The following SLC26A2 variants were observed in gnomAD, a reference collection of about 807,000 sequenced individuals.
SLC26A2 encodes the protein solute carrier family 26 member 2.
In SLC26A2, 36 loss-of-function variants were observed where a neutral mutation model predicts 41.1. The observed-to-expected ratio is 0.88, with a 90% CI of 0.67 to 1.16. The LOEUF is 1.16. SLC26A2 is among the 50% of genes most tolerant of loss of function. The pLI, the probability that SLC26A2 is intolerant of heterozygous loss-of-function variation, is 0.00. For synonymous variants in SLC26A2, 291 were observed against 311.6 expected (o/e 0.93, Z 0.70); for missense variants, 796 against 869.6 (o/e 0.92, Z 1.07).
In SLC26A2 at chr5:149,984,752, T is replaced by C. The variant is rs1195522838; in HGVS notation, c.*2939T>C. The C allele has an allele frequency of 1.3e-5, 2 of 152,246 alleles. No individual in the cohort carries two copies. 9.4% of individuals were successfully genotyped at this position (152,246 alleles called of 1,614,324 possible). On this transcript the variant is annotated 3_prime_UTR_variant, in exon 3 of 3. Transcript: ENST00000286298. ...AGCATTATTTTAAACACTATATTGA[T>C]ACAAAAATATCTTGCTTACTCTAAA...
intron 1 of SLC26A2, among the ~76,000 whole-genome samples, chr5:149,971,070 G>C (rs1754891167): frequency 1.3e-5 from 2 of 152,228 alleles, no homozygotes; most frequent in Non-Finnish European, 2.9e-5. Context: ...AGTAAGCATG[G>C]GTTGCAGGCC....
Position 149,980,475 on chromosome 5 carries a change from C to T in SLC26A2, c.882C>T (p.Phe294=), listed in dbSNP as rs368422840. ...GSLITTWIHV[F]RNIHKTNLCD... ...TCATCACTACCTGGATACATGTCTTCAGAAACATCCATAAGACCAATCTCT... is the reference window on the plus strand; with the variant it reads ...TCATCACTACCTGGATACATGTCTTTAGAAACATCCATAAGACCAATCTCT... The change falls in exon 3 of 3, where the codon TTC becomes TTT. Residue 294 remains phenylalanine, a synonymous_variant. Coordinates refer to ENST00000286298, the MANE Select transcript of SLC26A2 (RefSeq NM_000112.4). The T allele has an allele frequency of 2.5e-6, 4 of 1,613,984 alleles. No individual in the cohort carries two copies. Among genetic ancestry groups the T allele is most frequent in the African/African-American group, 2.7e-5 (2 of 74,924 alleles).
At chr5:149,976,948 G>A (rs1177010907) in intron 1 of SLC26A2, among the ~76,000 whole-genome samples, 3 of 152,162 alleles carry the variant, frequency 2.0e-5, no homozygotes, top group African/African-American at 4.8e-5. Context: ...TTGGCCCATC[G>A]ACCCTCTTCA....
rs1755110583 is a variant in SLC26A2 at position 149,981,766 on chromosome 5, CAGAA to C, written c.2176_2179del (p.Lys726GlufsTer8). On this transcript the variant is annotated frameshift_variant, in exon 3 of 3. Coordinates refer to ENST00000286298, the MANE Select transcript of SLC26A2 (RefSeq NM_000112.4). LOFTEE classifies it high-confidence loss of function. The stretch of plus-strand genomic sequence containing the variant: ...GGCTTTTGCAGAAGTATCTAAAAAT[CAGAA>C]AGGAGTATGTGTTCCCAATGGTCTG... The C allele has an allele frequency of 6.2e-7, 1 of 1,611,754 alleles. No individual in the cohort carries two copies. Among genetic ancestry groups the C allele is most frequent in the Non-Finnish European group, 8.5e-7 (1 of 1,179,358 alleles).
At chr5:149,979,878 G>A (rs948052462) in intron 2 of SLC26A2, among the ~76,000 whole-genome samples, 2 of 152,124 alleles carry the variant, frequency 1.3e-5, no homozygotes, top group African/African-American at 4.8e-5. Context: ...TGTAATTTAA[G>A]GAAAATACTT....
chr5:149,986,738 T>C lies in SLC26A2; in HGVS notation c.*4925T>C, dbSNP rs1561828569. ...GCCTTTATTGTAGATACTATGTTTG[T>C]AAGTCTATAGCTAAGCAACTTAAGC... is the stretch of plus-strand genomic sequence containing the variant. On this transcript the variant is annotated 3_prime_UTR_variant, in exon 3 of 3. Coordinates refer to ENST00000286298, the MANE Select transcript of SLC26A2 (RefSeq NM_000112.4). 6.6e-6 allele frequency: 1 copy of C among 152,250 alleles called. No homozygotes were observed. Among genetic ancestry groups the C allele is most frequent in the Admixed American group, 6.5e-5 (1 of 15,286 alleles). 9.4% of individuals were successfully genotyped at this position (152,250 alleles called of 1,614,324 possible). A position where few individuals can be genotyped will look rare whatever the true frequency, so the allele number is the denominator to read the frequency against.
intron 1 of SLC26A2, among the ~76,000 whole-genome samples, chr5:149,963,323 G>C (rs1314848002): frequency 6.6e-6 from 1 of 150,580 alleles, no homozygotes; most frequent in Non-Finnish European, 1.5e-5. Context: ...TTTGTCTCCA[G>C]GCCGGAGTGC....
intron 1 of SLC26A2, among the ~76,000 whole-genome samples, chr5:149,965,139 G>A (rs922998837): frequency 6.6e-6 from 1 of 152,166 alleles, no homozygotes; most frequent in African/African-American, 2.4e-5. Context: ...TCAAGCGACA[G>A]TATACGTTTG....
chr5:149,978,723 A>T (rs1261882309), intron 2 of SLC26A2, among the ~76,000 whole-genome samples: 2 of 150,478 alleles, frequency 1.3e-5, no homozygotes, highest in Non-Finnish European at 3.0e-5. Context: ...ACAGGGTCTC[A>T]CTCTGTCACG....
chr5:149,979,490 C>G (rs30831), intron 2 of SLC26A2, among the ~76,000 whole-genome samples: 1 of 151,948 alleles, frequency 6.6e-6, no homozygotes, highest in Admixed American at 6.6e-5. Flanking sequence ...GTGATCCTCC[C>G]AATATTGCCT....
At chr5:149,979,415 T>C (rs897418660) in intron 2 of SLC26A2, among the ~76,000 whole-genome samples, 3 of 152,044 alleles carry the variant, frequency 2.0e-5, no homozygotes, top group African/African-American at 4.8e-5. Context: ...TACTTACTTA[T>C]TTATTATTTA....
rs387907491 is a variant in SLC26A2 at position 149,977,733 on chromosome 5, C to T, written c.81C>T (p.Ile27=). 6.2e-7 allele frequency: 1 copy of T among 1,613,798 alleles called. No individual in the cohort carries two copies. Among genetic ancestry groups the T allele is most frequent in the Non-Finnish European group, 8.5e-7 (1 of 1,179,796 alleles). The part of the protein sequence containing the change: ...AEGNDSYPSG[I]HLELQRESST... ...GAAATGACAGTTATCCATCTGGGAT[C>T]CATCTGGAACTTCAAAGGGAATCAA... The change falls in exon 2 of 3, where the codon ATC becomes ATT. Residue 27 remains isoleucine, a synonymous_variant. Transcript: ENST00000286298.
chr5:149,969,467 A>AT (rs1304474106), intron 1 of SLC26A2, among the ~76,000 whole-genome samples: 1 of 152,120 alleles, frequency 6.6e-6, no homozygotes, highest in Admixed American at 6.6e-5. Flanking sequence ...CCAAAGTCAG[A>AT]TTTTTTGCTG....
At chr5:149,968,258 T>G (rs1754840027) in intron 1 of SLC26A2, among the ~76,000 whole-genome samples, 1 of 152,184 alleles carries the variant, frequency 6.6e-6, no homozygotes, top group Non-Finnish European at 1.5e-5. Context: ...GAGTTACAGT[T>G]TTTAGTCCTT....
At chr5:149,969,855 G>T (rs573443805) in intron 1 of SLC26A2, among the ~76,000 whole-genome samples, 2 of 151,980 alleles carry the variant, frequency 1.3e-5, no homozygotes, top group Non-Finnish European at 2.9e-5. Flanking sequence ...CCTACTTCAC[G>T]TTGGCCTGCA....
At chr5:149,973,575 T>C (rs192451123) in intron 1 of SLC26A2, among the ~76,000 whole-genome samples, 1 of 152,122 alleles carries the variant, frequency 6.6e-6, no homozygotes, top group Admixed American at 6.6e-5. Flanking sequence ...ATATATATGG[T>C]GCTGGTCTGC....
Position 149,985,713 on chromosome 5 carries a change from T to C in SLC26A2, c.*3900T>C, listed in dbSNP as rs1755187616. Reference sequence around the variant, plus strand: ...TTCTTAATTGTGTTTCTCTACGTATTGTTACAGATGAGCCATACGTTTCTT... The same window carrying C: ...TTCTTAATTGTGTTTCTCTACGTATCGTTACAGATGAGCCATACGTTTCTT... On this transcript the variant is annotated 3_prime_UTR_variant, in exon 3 of 3. Coordinates refer to ENST00000286298, the MANE Select transcript of SLC26A2 (RefSeq NM_000112.4). The C allele has an allele frequency of 6.6e-6, 1 of 152,194 alleles. No individual in the cohort carries two copies. Among genetic ancestry groups the C allele is most frequent in the Admixed American group, 6.5e-5 (1 of 15,282 alleles). 9.4% of individuals were successfully genotyped at this position (152,194 alleles called of 1,614,324 possible).
chr5:149,972,632 C>T (rs1351021801), intron 1 of SLC26A2, among the ~76,000 whole-genome samples: 2 of 152,164 alleles, frequency 1.3e-5, no homozygotes, highest in African/African-American at 4.8e-5. Flanking sequence ...GAATAAATTA[C>T]TAAATTGGGC....
rs1755081778 is a variant in SLC26A2, at chr5:149,980,725, C to G, written c.1132C>G (p.Leu378Val). Reference sequence around the variant, plus strand: ...GCCACCCAAAGTACCAGAATGGAACCTAATTCCTAGTGTGGCTGTAGATGC... The same window carrying G: ...GCCACCCAAAGTACCAGAATGGAACGTAATTCCTAGTGTGGCTGTAGATGC... Reference protein sequence around the residue: ...FMPPKVPEWNLIPSVAVDAIA... With the variant: ...FMPPKVPEWNVIPSVAVDAIA... The change falls in exon 3 of 3, where the codon CTA becomes GTA. Residue 378 changes from leucine to valine, a missense_variant. Physicochemically the swap from Leu to Val is conservative, Grantham distance 32. Transcript: ENST00000286298. 6.2e-7 allele frequency: 1 copy of G among 1,613,910 alleles called. No individual in the cohort carries two copies. Among genetic ancestry groups the G allele is most frequent in the Non-Finnish European group, 8.5e-7 (1 of 1,179,938 alleles).
Sources: gnomAD v4.1 joint callset for allele counts (sites outside exome capture counted in the v4.1 genomes callset) on GRCh38, gnomAD v4.1.1 for gene constraint, MANE v1.5 for transcripts, NCBI Gene and HGNC (gene_info 2026-07-23, HGNC 2026-07-21) for gene names.